The following TSHR variants were observed in gnomAD, a reference collection of about 807,000 sequenced individuals.
TSHR encodes the protein thyroid stimulating hormone receptor.
A neutral mutation model predicts 64.1 loss-of-function variants in TSHR; 51 were observed. The ratio of observed to expected loss-of-function variants is 0.80; its 90% confidence interval spans 0.64 to 1.01. TSHR has a LOEUF of 1.01. Among genes scored for constraint, TSHR ranks in the 50% least tolerant of loss-of-function variants. The pLI is 0.00. For missense variants in TSHR, 877 were observed against 942.8 expected (o/e 0.93, Z 0.91); for synonymous variants, 361 against 361.9 (o/e 1.00, Z 0.03).
chr14:81,113,808 G>C (rs2140044891), intron 8 of TSHR, among the ~76,000 whole-genome samples: 1 of 152,212 alleles, frequency 6.6e-6, no homozygotes, highest in South Asian at 2.1e-4. Flanking sequence ...AATCTTAAGT[G>C]TTCTGCAAAT....
chr14:81,105,049 CT>C, intron 7 of TSHR: 13 of 985,322 alleles, frequency 1.3e-5, no homozygotes, highest in Non-Finnish European at 1.6e-5. Flanking sequence ...TTTTAAGCTA[CT>C]TTATGTTCAT....
At chr14:81,113,576 T>C (rs1890328017) in intron 8 of TSHR, among the ~76,000 whole-genome samples, 1 of 132,972 alleles carries the variant, frequency 7.5e-6, no homozygotes, top group Non-Finnish European at 1.5e-5. Flanking sequence ...TTCCCTGATC[T>C]TTTTTTAAAC....
intron 1 of TSHR, among the ~76,000 whole-genome samples, chr14:80,980,155 T>C (rs1375217489): frequency 6.6e-6 from 1 of 152,236 alleles, no homozygotes; most frequent in Non-Finnish European, 1.5e-5. Flanking sequence ...TATTTTTACA[T>C]CCTAGAATGT....
chr14:81,104,861 G>A, intron 7 of TSHR: 1 of 985,322 alleles, frequency 1.0e-6, no homozygotes, highest in Non-Finnish European at 1.2e-6. Context: ...TCTCAAAGAG[G>A]AATAAGACCC....
At chr14:81,022,231 C>T (rs1883801406) in intron 1 of TSHR, among the ~76,000 whole-genome samples, 1 of 152,068 alleles carries the variant, frequency 6.6e-6, no homozygotes, top group Admixed American at 6.5e-5. Context: ...GATAGTGCCA[C>T]TGCACTCCAG....
chr14:81,063,448 T>C (rs1198251208), intron 2 of TSHR, among the ~76,000 whole-genome samples: 3 of 152,168 alleles, frequency 2.0e-5, no homozygotes, highest in African/African-American at 7.2e-5. Context: ...CACAGGCTCT[T>C]CAAAACCAGC....
At chr14:81,093,919 A>G (rs1888958838) in intron 6 of TSHR, among the ~76,000 whole-genome samples, 1 of 152,134 alleles carries the variant, frequency 6.6e-6, no homozygotes, top group South Asian at 2.1e-4. Flanking sequence ...TTCTTTATAG[A>G]ATATTACCTC....
At chr14:80,973,779 A>G (rs1454218768) in intron 1 of TSHR, among the ~76,000 whole-genome samples, 1 of 152,212 alleles carries the variant, frequency 6.6e-6, no homozygotes, top group Non-Finnish European at 1.5e-5. Context: ...AATCTCCATT[A>G]ACAAATTTAA....
intron 1 of TSHR, among the ~76,000 whole-genome samples, chr14:81,005,245 G>A (rs10136511): frequency 0.19 from 27,452 of 145,230 alleles, 3,394 homozygotes; most frequent in East Asian, 0.41. Context: ...GTGTGTGCAC[G>A]CACGCACGTG....
chr14:81,047,152 G>C (rs548034332), intron 1 of TSHR, among the ~76,000 whole-genome samples: 5 of 152,064 alleles, frequency 3.3e-5, no homozygotes, highest in Non-Finnish European at 7.4e-5. Context: ...GAAAATATGT[G>C]GTTTTAAATC....
At chr14:81,115,878 A>G (rs966909636) in intron 8 of TSHR, among the ~76,000 whole-genome samples, 1 of 151,760 alleles carries the variant, frequency 6.6e-6, no homozygotes, top group Non-Finnish European at 1.5e-5. Flanking sequence ...CCAATATTCA[A>G]CATTCTTCAA....
chr14:81,138,187 AT>A lies in TSHR; in HGVS notation c.693-1471del, dbSNP rs368195048. 1.0e-2 allele frequency among the ~76,000 whole-genome samples: 1,302 copies of A among 130,338 alleles called. 8 individuals are homozygous for A. Among genetic ancestry groups the A allele is most frequent in the East Asian group, 0.028 (132 of 4,646 alleles). 85.5% of individuals were successfully genotyped at this position (130,338 alleles called of 152,430 possible). A position where few individuals can be genotyped will look rare whatever the true frequency, so the allele number is the denominator to read the frequency against. The stretch of plus-strand genomic sequence containing the variant: ...AATACAGGAACAAGCGCCAAGGGTA[AT>A]TTTTTTTTTTTTTTTTTTTTGAGAC... On this transcript the variant is annotated intron_variant, in intron 8 of 9. Coordinates refer to ENST00000298171, the MANE Select transcript of TSHR (RefSeq NM_000369.5).
chr14:81,108,252 T>C, intron 7 of TSHR, 123 bp from the exon 8 acceptor site: 1 of 838,936 alleles, frequency 1.2e-6, no homozygotes, highest in South Asian at 1.5e-5. Context: ...TAAAGTATCT[T>C]CTAAATTCTT....
chr14:81,077,270 G>C (rs1178930305), intron 3 of TSHR, among the ~76,000 whole-genome samples: 1 of 152,210 alleles, frequency 6.6e-6, no homozygotes, highest in Non-Finnish European at 1.5e-5. Flanking sequence ...ACACCAAGCT[G>C]TGAGGAAATC....
At chr14:81,068,909 T>C (rs938544357) in intron 3 of TSHR, among the ~76,000 whole-genome samples, 9 of 152,164 alleles carry the variant, frequency 5.9e-5, no homozygotes, top group Non-Finnish European at 1.3e-4. Flanking sequence ...AATTATATAA[T>C]ATCTAGCACC....
At chr14:81,046,251 T>A (rs1364839245) in intron 1 of TSHR, among the ~76,000 whole-genome samples, 1 of 151,822 alleles carries the variant, frequency 6.6e-6, no homozygotes, top group Non-Finnish European at 1.5e-5. Flanking sequence ...GATGATGGAA[T>A]TAACAAGAAA....
At chr14:80,966,649 A>G (rs1018752032) in intron 1 of TSHR, among the ~76,000 whole-genome samples, 1 of 152,242 alleles carries the variant, frequency 6.6e-6, no homozygotes, top group Admixed American at 6.5e-5. Context: ...GAAAAGTATA[A>G]TGGAGAAATA....
At chr14:81,079,666 G>A (rs749942797) in intron 3 of TSHR, among the ~76,000 whole-genome samples, 3 of 152,120 alleles carry the variant, frequency 2.0e-5, no homozygotes, top group Non-Finnish European at 2.9e-5. Flanking sequence ...AGCCTGGGCG[G>A]CAGAGTGAGA....
intron 1 of TSHR, among the ~76,000 whole-genome samples, chr14:81,011,511 T>C (rs1204494137): frequency 1.3e-5 from 2 of 152,094 alleles, no homozygotes; most frequent in African/African-American, 4.8e-5. Flanking sequence ...TTTATAGTTG[T>C]CGCTTCTTTT....
Sources: allele counts gnomAD v4.1 joint callset (sites outside exome capture counted in the v4.1 genomes callset), GRCh38; gene constraint gnomAD v4.1.1; transcripts MANE v1.5; gene names NCBI Gene and HGNC (gene_info 2026-07-23, HGNC 2026-07-21).